The following C14orf132 variants were observed in gnomAD, a reference collection of about 807,000 sequenced individuals.
C14orf132 encodes chromosome 14 open reading frame 132, also known as uncharacterized protein C14orf132.
Under a neutral mutation model 5.8 loss-of-function variants are expected in C14orf132, and 6 were observed. The observed-to-expected ratio is 1.03, with a 90% CI of 0.57 to 2.04. The LOEUF (loss-of-function observed/expected upper bound fraction) is 2.04. Ranked by LOEUF, C14orf132 falls within the 30% of genes most tolerant of loss-of-function variation. C14orf132 has a pLI of 0.00. For synonymous variants in C14orf132, 51 were observed against 49.8 expected (o/e 1.02, Z -0.10); for missense variants, 125 against 115.8 (o/e 1.08, Z -0.37).
intron 1 of C14orf132, among the ~76,000 whole-genome samples, chr14:96,044,799 G>A (rs1365871008): frequency 6.6e-6 from 1 of 152,198 alleles, no homozygotes; most frequent in Non-Finnish European, 1.5e-5. Flanking sequence ...GTCTCTCTGA[G>A]TCTCTTCTCA....
intron 1 of C14orf132, among the ~76,000 whole-genome samples, chr14:96,058,245 A>G (rs1887238704): frequency 6.6e-6 from 1 of 152,068 alleles, no homozygotes; most frequent in Non-Finnish European, 1.5e-5. Flanking sequence ...GTCTGTGTCC[A>G]ACTTACTCAC....
chr14:96,050,547 T>A (rs1886997510), intron 1 of C14orf132, among the ~76,000 whole-genome samples: 1 of 152,000 alleles, frequency 6.6e-6, no homozygotes, highest in South Asian at 2.1e-4. Flanking sequence ...CTTTGTTGAA[T>A]GTTTGAGTGG....
chr14:96,049,653 T>TATATATATAGAGAG (rs371381526), intron 1 of C14orf132, among the ~76,000 whole-genome samples: 4 of 82,282 alleles, frequency 4.9e-5, no homozygotes, highest in African/African-American at 1.8e-4. Flanking sequence ...TATATATATA[T>TATATATATAGAGAG]AGAGAGAGAG....
intron 1 of C14orf132, among the ~76,000 whole-genome samples, chr14:96,054,911 C>T (rs1326745588): frequency 6.6e-6 from 1 of 152,170 alleles, no homozygotes; most frequent in Non-Finnish European, 1.5e-5. Context: ...TAATGCAAAA[C>T]CTTTGACTCA....
intron 1 of C14orf132, among the ~76,000 whole-genome samples, chr14:96,077,718 T>C (rs1193209910): frequency 6.6e-6 from 1 of 152,206 alleles, no homozygotes; most frequent in African/African-American, 2.4e-5. Context: ...TTAAAACTTT[T>C]AGAGCATCGC....
intron 1 of C14orf132, among the ~76,000 whole-genome samples, chr14:96,066,178 C>T (rs1048593324): frequency 2.0e-5 from 3 of 152,178 alleles, no homozygotes; most frequent in African/African-American, 7.2e-5. Context: ...CAAGCTGTGG[C>T]TCTGGGGCTT....
At chr14:96,085,258 G>A (rs967318004) in intron 1 of C14orf132, among the ~76,000 whole-genome samples, 2 of 152,198 alleles carry the variant, frequency 1.3e-5, no homozygotes, top group African/African-American at 4.8e-5. Flanking sequence ...GCGGTGCTCG[G>A]TAACTGTGCA....
intron 1 of C14orf132, among the ~76,000 whole-genome samples, chr14:96,071,819 C>A (rs1263369871): frequency 6.6e-6 from 1 of 152,234 alleles, no homozygotes; most frequent in East Asian, 1.9e-4. Flanking sequence ...CACAGGGTGC[C>A]CTGCCAGGGC....
At chr14:96,063,261 C>A (rs1887418408) in intron 1 of C14orf132, among the ~76,000 whole-genome samples, 1 of 152,096 alleles carries the variant, frequency 6.6e-6, no homozygotes, top group Non-Finnish European at 1.5e-5. Flanking sequence ...GAACTGACCT[C>A]TTGAAAAGTA....
Position 96,091,020 on chromosome 14 carries a change from A to T in C14orf132, c.*4285A>T, listed in dbSNP as rs1273411691. On this transcript the variant is annotated 3_prime_UTR_variant, in exon 2 of 2. Transcript: ENST00000555004. ...CTATTTGTGTCTCATTTACTTCTCA[A>T]ATTGCCCCTGGGGGCAGGAATGAGG... is the stretch of plus-strand genomic sequence containing the variant. The T allele has an allele frequency of 2.2e-6, 1 of 456,090 alleles. No homozygotes were observed. The highest frequency in any genetic ancestry group is 1.5e-5 in the South Asian group (1 of 64,568). The allele number at this position is 456,090 out of a possible 1,614,324, so 28.3% of individuals were successfully genotyped here. A position where few individuals can be genotyped will look rare whatever the true frequency, so the allele number is the denominator to read the frequency against.
chr14:96,057,092 C>A (rs1267215255), intron 1 of C14orf132, among the ~76,000 whole-genome samples: 1 of 152,242 alleles, frequency 6.6e-6, no homozygotes, highest in Non-Finnish European at 1.5e-5. Context: ...GAATGTTTGT[C>A]TCCTGCAAAA....
chr14:96,051,649 A>G (rs1208717048), intron 1 of C14orf132, among the ~76,000 whole-genome samples: 1 of 152,148 alleles, frequency 6.6e-6, no homozygotes, highest in Non-Finnish European at 1.5e-5. Context: ...GTCTCTCTGC[A>G]TTGAGTCTTA....
intron 1 of C14orf132, among the ~76,000 whole-genome samples, chr14:96,049,588 A>G (rs371847229): frequency 0.04 from 4,292 of 107,018 alleles, 316 homozygotes; most frequent in Middle Eastern, 0.065. Flanking sequence ...ACGTATATAT[A>G]TACATATATA....
chr14:96,090,982 TC>T lies in C14orf132; in HGVS notation c.*4248del, dbSNP rs1301423822. 7 of 456,158 alleles carry T rather than the reference TC, an allele frequency of 1.5e-5. No individual in the cohort carries two copies. Among genetic ancestry groups the T allele is most frequent in the Non-Finnish European group, 3.1e-5 (7 of 226,816 alleles). The allele number at this position is 456,158 out of a possible 1,614,324, so 28.3% of individuals were successfully genotyped here. On this transcript the variant is annotated 3_prime_UTR_variant, in exon 2 of 2. Coordinates refer to ENST00000555004, the MANE Select transcript of C14orf132 (RefSeq NM_001252507.3). ...TTCTTACCGGTGCCAGTTTTGCACA[TC>T]TTTTTGTTGCTCTATTTGTGTCTCA...
rs557096900 is a variant in C14orf132 at position 96,088,819 on chromosome 14, G to A, written c.*2084G>A. On this transcript the variant is annotated 3_prime_UTR_variant, in exon 2 of 2. Coordinates refer to ENST00000555004, the MANE Select transcript of C14orf132 (RefSeq NM_001252507.3). ...TCTGTGTTTGCTGCGGTGAAGGGAG[G>A]AGAAGGCAGGAGGAAAAAGGATGGC... The A allele has an allele frequency of 5.9e-5, 9 of 152,434 alleles. No individual in the cohort carries two copies. Among genetic ancestry groups the A allele is most frequent in the Non-Finnish European group, 1.3e-4 (9 of 68,092 alleles). The allele number at this position is 152,434 out of a possible 1,614,324, so 9.4% of individuals were successfully genotyped here. A position where few individuals can be genotyped will look rare whatever the true frequency, so the allele number is the denominator to read the frequency against.
chr14:96,092,764 C>T lies in C14orf132; in HGVS notation c.*6029C>T, dbSNP rs972992790. The T allele has an allele frequency of 3.4e-4, 52 of 152,188 alleles. No individual in the cohort carries two copies. The highest frequency in any genetic ancestry group is 1.2e-3 in the African/African-American group (48 of 41,428). 9.4% of individuals were successfully genotyped at this position (152,188 alleles called of 1,614,324 possible). A position where few individuals can be genotyped will look rare whatever the true frequency, so the allele number is the denominator to read the frequency against. ...CCAGGACACCTAACTATCGAGTTTT[C>T]ACTAGGAGACTTAGTGGTGGCTTTC... On this transcript the variant is annotated 3_prime_UTR_variant, in exon 2 of 2. Coordinates refer to ENST00000555004, the MANE Select transcript of C14orf132 (RefSeq NM_001252507.3).
intron 1 of C14orf132, among the ~76,000 whole-genome samples, chr14:96,079,087 G>A (rs1293238918): frequency 5.3e-5 from 8 of 152,224 alleles, no homozygotes; most frequent in Non-Finnish European, 1.0e-4. Flanking sequence ...CCACTCTGGA[G>A]ACACCTTGAG....
Position 96,039,471 on chromosome 14 carries a change from G to T in C14orf132, c.-30G>T. On this transcript the variant is annotated 5_prime_UTR_variant, in exon 1 of 2. Transcript: ENST00000555004. The surrounding 1 kb of genome is among the most constrained non-coding windows in gnomAD (Gnocchi z 5.3). ...GACCCGCAGCGGCAGCGGCAGCAGC[G>T]AGGACTCGAGCGCTGGCTGCAGCGA... 1.3e-6 allele frequency: 2 copies of T among 1,495,588 alleles called. No individual in the cohort carries two copies. Among genetic ancestry groups the T allele is most frequent in the South Asian group, 1.3e-5 (1 of 79,904 alleles). The allele number at this position is 1,495,588 out of a possible 1,614,324, so 92.6% of individuals were successfully genotyped here. A position where few individuals can be genotyped will look rare whatever the true frequency, so the allele number is the denominator to read the frequency against.
chr14:96,040,460 G>T, intron 1 of C14orf132: 1 of 390,010 alleles, frequency 2.6e-6, no homozygotes, highest in African/African-American at 2.1e-5. Context: ...GGCCACCCAG[G>T]CTCCCTTCTG....
Sources: allele counts gnomAD v4.1 joint callset (sites outside exome capture counted in the v4.1 genomes callset), GRCh38; gene constraint gnomAD v4.1.1; non-coding constraint Gnocchi (gnomAD v3.1); transcripts MANE v1.5; gene names NCBI Gene and HGNC (gene_info 2026-07-23, HGNC 2026-07-21).